ATL2: variants seen among roughly 807,000 people sequenced by gnomAD.
ATL2 encodes the protein atlastin-2.
ATL2 carries 31 observed loss-of-function variants against 73.9 expected under a neutral mutation model. The ratio of observed to expected loss-of-function variants is 0.42; its 90% CI spans 0.32 to 0.57. The LOEUF (loss-of-function observed/expected upper bound fraction) is 0.57. ATL2 is among the 20% of genes least tolerant of loss of function. ATL2 has a pLI of 0.14. For synonymous variants in ATL2, 291 were observed against 237.5 expected (o/e 1.23, Z -2.07); for missense variants, 738 against 702.6 (o/e 1.05, Z -0.57).
rs1019129977 is a variant in ATL2, at chr2:38,326,539, C to T, written c.364-7520G>A. On this transcript the variant is annotated intron_variant, in intron 2 of 12. Transcript: ENST00000378954. The stretch of plus-strand genomic sequence containing the variant: ...ATTGATCCAGGAAGAGGACAGAACA[C>T]CAAGCAGGATAAATACCAAAAAAAT... Among the ~76,000 whole-genome samples, 9 of 152,206 alleles carry T rather than the reference C, an allele frequency of 5.9e-5. No homozygotes were observed. In the South Asian group the frequency reaches 1.0e-3, roughly 18 times the overall value.
intron 2 of ATL2, among the ~76,000 whole-genome samples, chr2:38,326,158 A>G (rs1174913785): frequency 6.6e-6 from 1 of 152,178 alleles, no homozygotes; most frequent in Non-Finnish European, 1.5e-5. Context: ...CTCATCAACA[A>G]TGCTCCAATA....
In ATL2 at chr2:38,370,792, A is replaced by AAACAC. The variant is rs764637488; in HGVS notation, c.118+6350_118+6351insGTGTT. Among the ~76,000 whole-genome samples the AAACAC allele has an allele frequency of 2.6e-4, 40 of 152,006 alleles. 1 individual carries two copies. The highest frequency in any genetic ancestry group is 7.9e-4 in the Admixed American group (12 of 15,248). On this transcript the variant is annotated intron_variant, in intron 1 of 12. Transcript: ENST00000378954. ...AAACGAAACAAAACAAAACAAAACA[A>AAACAC]AAAAATCAACCCCTGGCCCAGCAGG...
chr2:38,344,253 T>G (rs1669893869), intron 1 of ATL2, among the ~76,000 whole-genome samples: 1 of 152,196 alleles, frequency 6.6e-6, no homozygotes, highest in Non-Finnish European at 1.5e-5. Context: ...ATCCCAATTT[T>G]CCCTGTAAGC....
intron 5 of ATL2, among the ~76,000 whole-genome samples, chr2:38,314,986 C>G: frequency 6.6e-6 from 1 of 152,220 alleles, no homozygotes; most frequent in Non-Finnish European, 1.5e-5. Context: ...CGCAGCGGCT[C>G]ACGCCGGGTA....
chr2:38,334,678 A>G (rs960146007), intron 2 of ATL2, among the ~76,000 whole-genome samples: 1 of 151,326 alleles, frequency 6.6e-6, no homozygotes, highest in African/African-American at 2.4e-5. Flanking sequence ...AGCCTGGGCA[A>G]CATGAACGAA....
chr2:38,337,844 G>A (rs1257884540), intron 2 of ATL2, among the ~76,000 whole-genome samples: 1 of 151,944 alleles, frequency 6.6e-6, no homozygotes. Flanking sequence ...AACAGGAAAT[G>A]GTATAAAAGT....
intron 2 of ATL2, among the ~76,000 whole-genome samples, chr2:38,331,084 C>T (rs1454016619): frequency 2.0e-5 from 3 of 151,988 alleles, no homozygotes; most frequent in Non-Finnish European, 4.4e-5. Context: ...ATTGCCTGAG[C>T]GCAGGAGTTC....
intron 1 of ATL2, among the ~76,000 whole-genome samples, chr2:38,372,123 G>GGT (rs1671724857): frequency 8.0e-6 from 1 of 125,190 alleles, no homozygotes; most frequent in African/African-American, 2.8e-5. Context: ...CATGTTAATT[G>GGT]TTTTTTTTTT....
At chr2:38,377,043 C>G (rs1156805639) in intron 1 of ATL2, 100 bp downstream of exon 1, 14 of 1,112,218 alleles carry the variant, frequency 1.3e-5, no homozygotes, top group African/African-American at 1.7e-5. Flanking sequence ...GAACCAGCCG[C>G]GGACTCCGAC....
rs561540518 is a variant in ATL2, at chr2:38,355,598, C to G, written c.119-12086G>C. ...TACCACATATAAAATGTGTACTCAT[C>G]AGAAAGACATAACAATGCCAAGTAA... On this transcript the variant is annotated intron_variant, in intron 1 of 12. Coordinates refer to ENST00000378954, the MANE Select transcript of ATL2 (RefSeq NM_001135673.4). Among the ~76,000 whole-genome samples the G allele has an allele frequency of 3.9e-5, 6 of 152,074 alleles. No homozygotes were observed. In the South Asian group the frequency reaches 1.2e-3, roughly 31 times the overall value.
intron 9 of ATL2, among the ~76,000 whole-genome samples, chr2:38,302,783 C>T (rs1362149576): frequency 6.6e-6 from 1 of 152,176 alleles, no homozygotes; most frequent in East Asian, 1.9e-4. Context: ...AATGCAGATA[C>T]AGCTGCAGTG....
chr2:38,362,573 C>T (rs980424663), intron 1 of ATL2, among the ~76,000 whole-genome samples: 2 of 152,202 alleles, frequency 1.3e-5, no homozygotes, highest in Admixed American at 6.5e-5. Context: ...ACAAGCACCC[C>T]ACTAACCAGC....
At chr2:38,324,612 G>A (rs1189286902) in intron 2 of ATL2, among the ~76,000 whole-genome samples, 1 of 152,158 alleles carries the variant, frequency 6.6e-6, no homozygotes, top group African/African-American at 2.4e-5. Context: ...CTTCCCATCT[G>A]GGGCTGGACA....
chr2:38,364,943 C>G (rs977220954), intron 1 of ATL2, among the ~76,000 whole-genome samples: 1 of 151,882 alleles, frequency 6.6e-6, no homozygotes, highest in Non-Finnish European at 1.5e-5. Flanking sequence ...ACTAGGGAGG[C>G]TGAGGCAGGA....
chr2:38,309,303 A>G (rs1382864154), intron 9 of ATL2, 76 bp downstream of exon 9: 2 of 1,386,056 alleles, frequency 1.4e-6, no homozygotes, highest in East Asian at 4.8e-5. Flanking sequence ...AAGACAAGAA[A>G]TTTCTTATAC....
intron 9 of ATL2, among the ~76,000 whole-genome samples, chr2:38,300,975 C>CA (rs1553328015): frequency 7.1e-6 from 1 of 141,316 alleles, no homozygotes; most frequent in Non-Finnish European, 1.5e-5. Context: ...TCTCAACTTT[C>CA]TTTTTTTTTT....
chr2:38,364,126 G>A (rs2124476397), intron 1 of ATL2, among the ~76,000 whole-genome samples: 1 of 152,298 alleles, frequency 6.6e-6, no homozygotes, highest in Non-Finnish European at 1.5e-5. Flanking sequence ...CCCGGGCGTG[G>A]TGGCGGATGC....
rs745903772 is a variant in ATL2 at position 38,299,338 on chromosome 2, A to G, written c.1129-11T>C. On this transcript the variant is annotated splice_polypyrimidine_tract_variant and intron_variant, in intron 10 of 12. Coordinates refer to ENST00000378954, the MANE Select transcript of ATL2 (RefSeq NM_001135673.4). Reference sequence around the variant, plus strand: ...AGCTTCAGCTGTTGCCTAAAAAATAAAATATGCCATTATTATGCAAAAAAT... The same window carrying G: ...AGCTTCAGCTGTTGCCTAAAAAATAGAATATGCCATTATTATGCAAAAAAT... 15 of 1,518,782 alleles carry G rather than the reference A, an allele frequency of 9.9e-6. No individual in the cohort carries two copies. The highest frequency in any genetic ancestry group is 1.3e-5 in the Non-Finnish European group (15 of 1,146,472). The allele number at this position is 1,518,782 out of a possible 1,614,324, so 94.1% of individuals were successfully genotyped here.
intron 2 of ATL2, among the ~76,000 whole-genome samples, chr2:38,339,580 C>G (rs1158795912): frequency 6.6e-6 from 1 of 151,912 alleles, no homozygotes; most frequent in Non-Finnish European, 1.5e-5. Context: ...GAAAAAAACA[C>G]TTCTAAAAAA....
Sources: gnomAD v4.1 joint callset for allele counts (sites outside exome capture counted in the v4.1 genomes callset) on GRCh38, gnomAD v4.1.1 for gene constraint, MANE v1.5 for transcripts, NCBI Gene and HGNC (gene_info 2026-07-23, HGNC 2026-07-21) for gene names.